Variants in CFAP47 observed in about 807,000 individuals in gnomAD.
The protein encoded by CFAP47 is cilia and flagella associated protein 47, also known as cilia- and flagella-associated protein 47.
CFAP47 carries 29 observed loss-of-function variants against 148.1 expected under a neutral mutation model. That is an observed-to-expected ratio of 0.20 (90% CI 0.15 to 0.27). The LOEUF is 0.27. Among genes scored for constraint, CFAP47 ranks in the 10% least tolerant of loss-of-function variants. CFAP47 has a pLI of 1.00. For missense variants in CFAP47, 1,872 were observed against 1,697.5 expected (o/e 1.10, Z -1.81); for synonymous variants, 664 against 577.3 (o/e 1.15, Z -2.15).
chrX:36,147,250 G>C (rs1290394963), intron 36 of CFAP47, among the ~76,000 whole-genome samples: 1 of 111,476 alleles, frequency 9.0e-6, no homozygotes, highest in African/African-American at 3.3e-5. Flanking sequence ...AAGGAATTGA[G>C]ACTTTAAAAC....
At chrX:35,920,512 T>C (rs1935561378) in intron 1 of CFAP47, among the ~76,000 whole-genome samples, 1 of 111,890 alleles carries the variant, frequency 8.9e-6, no homozygotes, top group South Asian at 3.7e-4. Context: ...ATATAACGGG[T>C]AATAGACATG....
At chrX:36,208,996 A>G (rs1940071253) in intron 45 of CFAP47, among the ~76,000 whole-genome samples, 1 of 111,958 alleles carries the variant, frequency 8.9e-6, no homozygotes, top group African/African-American at 3.2e-5. Flanking sequence ...AAACAAAAAA[A>G]CCAAAAACTT....
intron 60 of CFAP47, among the ~76,000 whole-genome samples, chrX:36,359,067 A>G (rs141403479): frequency 0.02 from 2,228 of 112,232 alleles, 23 homozygotes; most frequent in Non-Finnish European, 0.031. Context: ...TAGACGTCTC[A>G]TGTCAAGGAA....
intron 29 of CFAP47, among the ~76,000 whole-genome samples, chrX:36,083,780 A>G (rs773281196): frequency 2.4e-4 from 27 of 111,587 alleles, no homozygotes; most frequent in African/African-American, 8.7e-4. Context: ...ACATATTAAT[A>G]TATATGTAAG....
chrX:35,950,654 G>A (rs1936150247), intron 4 of CFAP47, among the ~76,000 whole-genome samples: 1 of 111,386 alleles, frequency 9.0e-6, no homozygotes, highest in African/African-American at 3.3e-5. Flanking sequence ...GATTACAGGT[G>A]TGAGATCACA....
chrX:35,977,527 C>T (rs1936587739), intron 15 of CFAP47, among the ~76,000 whole-genome samples: 1 of 110,793 alleles, frequency 9.0e-6, no homozygotes, highest in Non-Finnish European at 1.9e-5. Context: ...TCCATCTTTC[C>T]TCCCTCCTTT....
chrX:36,031,974 T>A (rs1011837829), intron 23 of CFAP47, among the ~76,000 whole-genome samples: 3 of 110,772 alleles, frequency 2.7e-5, no homozygotes, highest in Non-Finnish European at 5.7e-5. Flanking sequence ...ATATTTAGCC[T>A]TGCATTAATA....
chrX:36,281,036 C>A (rs1215172498), intron 50 of CFAP47, among the ~76,000 whole-genome samples: 2 of 111,757 alleles, frequency 1.8e-5, no homozygotes, highest in African/African-American at 6.5e-5. Flanking sequence ...CACTATTTTT[C>A]CCCCTATATT....
chrX:36,005,788 C>G (rs965965751), intron 21 of CFAP47, among the ~76,000 whole-genome samples: 114 of 111,063 alleles, frequency 1.0e-3, no homozygotes, highest in Non-Finnish European at 2.8e-4. Context: ...TAAAAACCCT[C>G]TAAATAAAAA....
At chrX:36,157,493 A>G (rs1939382241) in intron 37 of CFAP47, among the ~76,000 whole-genome samples, 1 of 111,733 alleles carries the variant, frequency 8.9e-6, no homozygotes, top group Admixed American at 9.5e-5. Flanking sequence ...TGTTCAATCT[A>G]GTTAACTCAT....
intron 62 of CFAP47, among the ~76,000 whole-genome samples, chrX:36,371,727 CATGTGTGTATAT>C (rs1162759133): frequency 3.2e-4 from 17 of 53,400 alleles, no homozygotes; most frequent in Non-Finnish European, 5.5e-4. Context: ...TATATACACA[CATGTGTGTATAT>C]ATGTGTGTAT....
intron 45 of CFAP47, among the ~76,000 whole-genome samples, chrX:36,214,795 C>G: frequency 9.0e-6 from 1 of 111,113 alleles, no homozygotes; most frequent in Non-Finnish European, 1.9e-5. Flanking sequence ...ATGGAGCTGT[C>G]ATCTCCTATA....
Position 36,285,648 on chromosome X carries a change from A to T in CFAP47, c.7608A>T (p.Leu2536Phe). Residue 2536 changes from leucine (L) to phenylalanine (F), a missense_variant, in exon 51 of 64, where the codon TTA (leucine) becomes TTT (phenylalanine). Physicochemically the swap from Leu to Phe is conservative, Grantham distance 22. Coordinates refer to ENST00000378653, the MANE Select transcript of CFAP47 (RefSeq NM_001304548.2). ...TTTCAGATGGTAATTTTAACAATTT[A>T]AGATTCTGGTATAATCTTGAGATCC... ...DADTYGNFNNLRFWYNLEIHS... is the reference protein window; with the variant it reads ...DADTYGNFNNFRFWYNLEIHS... 1 of 990,431 alleles carries T rather than the reference A, an allele frequency of 1.0e-6. No homozygotes were observed. The highest frequency in any genetic ancestry group is 1.4e-6 in the Non-Finnish European group (1 of 713,896). The allele number at this position is 990,431 out of a possible 1,213,427, so 81.6% of individuals were successfully genotyped here.
intron 30 of CFAP47, 24 bp from the exon 31 acceptor site, chrX:36,098,769 T>G (rs1281074468): frequency 1.1e-6 from 1 of 928,388 alleles, no homozygotes; most frequent in East Asian, 3.4e-5. Context: ...TATTATAATT[T>G]GAGTTTTTCT....
intron 11 of CFAP47, among the ~76,000 whole-genome samples, chrX:35,971,212 A>G (rs1266108827): frequency 2.7e-5 from 3 of 111,972 alleles, no homozygotes; most frequent in Non-Finnish European, 5.6e-5. Flanking sequence ...GAATGAGGGA[A>G]GCAGAATAGG....
intron 27 of CFAP47, among the ~76,000 whole-genome samples, chrX:36,068,451 G>T (rs774676840): frequency 8.9e-6 from 1 of 111,838 alleles, no homozygotes; most frequent in East Asian, 2.8e-4. Flanking sequence ...ATTCAGTATT[G>T]TAAAATGGAT....
intron 54 of CFAP47, among the ~76,000 whole-genome samples, chrX:36,305,091 A>G (rs1380067806): frequency 8.9e-6 from 1 of 112,371 alleles, no homozygotes; most frequent in African/African-American, 3.2e-5. Context: ...ATATCTTAAC[A>G]TCTGTCTCTT....
chrX:36,299,189 T>A (rs1268693448), intron 52 of CFAP47, 37 bp downstream of exon 52: 5 of 829,954 alleles, frequency 6.0e-6, no homozygotes, highest in Non-Finnish European at 7.9e-6. Context: ...TCATTGTTGA[T>A]CCTTAGAAAT....
At chrX:36,271,147 T>C (rs185724252) in intron 49 of CFAP47, among the ~76,000 whole-genome samples, 3 of 111,926 alleles carry the variant, frequency 2.7e-5, no homozygotes, top group African/African-American at 9.7e-5. Context: ...CATTATAGTC[T>C]TGCTTCAATG....
Sources: gnomAD v4.1 joint callset for allele counts (sites outside exome capture counted in the v4.1 genomes callset) on GRCh38, gnomAD v4.1.1 for gene constraint, MANE v1.5 for transcripts, NCBI Gene and HGNC (gene_info 2026-07-23, HGNC 2026-07-21) for gene names.